Variants in LCLAT1 observed in about 807,000 individuals in gnomAD.
LCLAT1 encodes the protein lysocardiolipin acyltransferase 1.
In LCLAT1, 11 loss-of-function variants were observed where a neutral mutation model predicts 30.7. The observed-to-expected ratio is 0.36, with a 90% CI of 0.23 to 0.59. LCLAT1 has a LOEUF of 0.59. Among genes scored for constraint, LCLAT1 ranks in the 20% least tolerant of loss-of-function variants. The pLI, the probability that LCLAT1 is intolerant of heterozygous loss-of-function variation, is 0.77. For missense variants in LCLAT1, 402 were observed against 458.6 expected (o/e 0.88, Z 1.13); for synonymous variants, 155 against 151.3 (o/e 1.02, Z -0.18).
intron 5 of LCLAT1, among the ~76,000 whole-genome samples, chr2:30,636,059 G>T (rs1248899401): frequency 6.6e-6 from 1 of 152,072 alleles, no homozygotes; most frequent in Non-Finnish European, 1.5e-5. Flanking sequence ...ATTCACAGGG[G>T]GCAAGGCCAC....
intron 5 of LCLAT1, among the ~76,000 whole-genome samples, chr2:30,575,694 A>G (rs750378433): frequency 2.0e-5 from 3 of 152,148 alleles, no homozygotes; most frequent in Non-Finnish European, 2.9e-5. Context: ...TTACAGAAAC[A>G]CGTTATTGGT....
chr2:30,451,682 A>G (rs1681557289), intron 1 of LCLAT1, among the ~76,000 whole-genome samples: 1 of 125,702 alleles, frequency 8.0e-6, no homozygotes, highest in Admixed American at 8.6e-5. Context: ...ATATATTTAT[A>G]AGATGAAACA....
At chr2:30,458,606 A>G (rs976793077) in intron 1 of LCLAT1, among the ~76,000 whole-genome samples, 1 of 152,114 alleles carries the variant, frequency 6.6e-6, no homozygotes, top group Non-Finnish European at 1.5e-5. Flanking sequence ...CTCAGTATTT[A>G]TTGTTTTACT....
chr2:30,626,347 G>A (rs1668508341), intron 5 of LCLAT1, among the ~76,000 whole-genome samples: 1 of 152,108 alleles, frequency 6.6e-6, no homozygotes, highest in African/African-American at 2.4e-5. Context: ...AATTTTGAAT[G>A]CCCTGTCTGA....
chr2:30,491,345 T>C (rs1683824938), intron 1 of LCLAT1, among the ~76,000 whole-genome samples: 1 of 152,254 alleles, frequency 6.6e-6, no homozygotes, highest in African/African-American at 2.4e-5. Context: ...CTAAGCACTT[T>C]ACATATATTA....
chr2:30,533,451 T>C, intron 3 of LCLAT1, 137 bp downstream of exon 3: 1 of 717,190 alleles, frequency 1.4e-6, no homozygotes, highest in South Asian at 1.7e-5. Context: ...TCTTTTGTCT[T>C]TAGTGGATCT....
At chr2:30,549,281 C>T (rs1166425796) in intron 3 of LCLAT1, among the ~76,000 whole-genome samples, 2 of 152,132 alleles carry the variant, frequency 1.3e-5, no homozygotes, top group African/African-American at 4.8e-5. Flanking sequence ...TTGATGTGTA[C>T]TATTTCTAAT....
chr2:30,577,397 C>T (rs1173153163), intron 5 of LCLAT1, among the ~76,000 whole-genome samples: 1 of 151,996 alleles, frequency 6.6e-6, no homozygotes, highest in East Asian at 1.9e-4. Flanking sequence ...TGCATTCGGC[C>T]ACATGGGGTA....
chr2:30,566,576 T>G (rs1242180675), intron 4 of LCLAT1, among the ~76,000 whole-genome samples: 2 of 152,174 alleles, frequency 1.3e-5, no homozygotes, highest in Non-Finnish European at 2.9e-5. Context: ...TTGGAGACTT[T>G]GAGGACTCCG....
chr2:30,532,722 A>ATT, intron 2 of LCLAT1, among the ~76,000 whole-genome samples: 1 of 147,414 alleles, frequency 6.8e-6, no homozygotes, highest in East Asian at 2.0e-4. Flanking sequence ...CCTTTCCGGG[A>ATT]TTTTTTTTTT....
At chr2:30,487,865 A>T (rs1683639919) in intron 1 of LCLAT1, among the ~76,000 whole-genome samples, 1 of 152,060 alleles carries the variant, frequency 6.6e-6, no homozygotes, top group South Asian at 2.1e-4. Context: ...TGAGAGAGTG[A>T]CTCTTGGGCC....
chr2:30,519,636 G>A (rs928439621), intron 1 of LCLAT1, among the ~76,000 whole-genome samples: 3 of 152,172 alleles, frequency 2.0e-5, no homozygotes, highest in African/African-American at 7.2e-5. Context: ...AGTAAAGAGA[G>A]CTCACTAAAA....
intron 1 of LCLAT1, among the ~76,000 whole-genome samples, chr2:30,492,011 G>C (rs757994334): frequency 3.3e-5 from 5 of 152,146 alleles, no homozygotes; most frequent in Admixed American, 1.3e-4. Context: ...TCTAGGTTGA[G>C]CATACATTAG....
intron 3 of LCLAT1, among the ~76,000 whole-genome samples, chr2:30,554,810 C>T (rs1483659916): frequency 6.6e-6 from 1 of 151,984 alleles, no homozygotes; most frequent in Non-Finnish European, 1.5e-5. Context: ...GTTAGATGAT[C>T]AAGCCAAGGG....
chr2:30,458,132 AC>A, intron 1 of LCLAT1, among the ~76,000 whole-genome samples: 1 of 152,224 alleles, frequency 6.6e-6, no homozygotes, highest in East Asian at 1.9e-4. Context: ...GTAGTAGCTG[AC>A]AATAGTTGCT....
At chr2:30,564,482 A>G (rs986423441) in intron 4 of LCLAT1, among the ~76,000 whole-genome samples, 2 of 152,088 alleles carry the variant, frequency 1.3e-5, no homozygotes, top group Admixed American at 6.6e-5. Flanking sequence ...CTCTCCATCT[A>G]GTTGCATAAT....
At chr2:30,533,386 T>A in intron 3 of LCLAT1, 72 bp downstream of exon 3, 1 of 1,319,912 alleles carries the variant, frequency 7.6e-7, no homozygotes, top group Non-Finnish European at 1.1e-6. Context: ...AAAACTGACT[T>A]AAGCATTAAA....
chr2:30,627,747 C>A (rs1668581975), intron 5 of LCLAT1, among the ~76,000 whole-genome samples: 2 of 151,902 alleles, frequency 1.3e-5, no homozygotes, highest in African/African-American at 4.8e-5. Context: ...CTAATATTTT[C>A]TTTTAAAAAA....
At chr2:30,544,499 T>C (rs1664304762) in intron 3 of LCLAT1, among the ~76,000 whole-genome samples, 1 of 152,198 alleles carries the variant, frequency 6.6e-6, no homozygotes, top group South Asian at 2.1e-4. Context: ...TCTCAAAATA[T>C]AAAAATATTC....
Sources: allele counts gnomAD v4.1 joint callset (sites outside exome capture counted in the v4.1 genomes callset), GRCh38; gene constraint gnomAD v4.1.1; transcripts MANE v1.5; gene names NCBI Gene and HGNC (gene_info 2026-07-23, HGNC 2026-07-21).